SPTAN1: variants seen among roughly 807,000 people sequenced by gnomAD.
The protein encoded by SPTAN1 is spectrin alpha, non-erythrocytic 1, also known as spectrin alpha chain, non-erythrocytic 1.
In SPTAN1, 61 loss-of-function variants were observed where a neutral mutation model predicts 331.3. The ratio of observed to expected loss-of-function variants is 0.18; its 90% CI spans 0.15 to 0.23. The LOEUF is 0.23. Ranked by LOEUF, SPTAN1 falls within the 10% of genes least tolerant of loss-of-function variation. The pLI is 1.00. For missense variants in SPTAN1, 2,043 were observed against 3,147.9 expected (o/e 0.65, Z 8.40); for synonymous variants, 1,153 against 1,173.9 (o/e 0.98, Z 0.36).
intron 31 of SPTAN1, among the ~76,000 whole-genome samples, chr9:128,605,746 C>G (rs1368289728): frequency 6.6e-6 from 1 of 152,204 alleles, no homozygotes; most frequent in African/African-American, 2.4e-5. Context: ...AACCCCAGCA[C>G]TTTGGTAGGC....
chr9:128,559,328 C>T (rs1299249544), intron 1 of SPTAN1, among the ~76,000 whole-genome samples: 1 of 152,058 alleles, frequency 6.6e-6, no homozygotes, highest in Non-Finnish European at 1.5e-5. Context: ...GCAAGCTGGG[C>T]CCAAGCAGGG....
chr9:128,553,932 C>T (rs1848390661), intron 1 of SPTAN1, among the ~76,000 whole-genome samples: 1 of 152,072 alleles, frequency 6.6e-6, no homozygotes, highest in Non-Finnish European at 1.5e-5. Flanking sequence ...GTCTTGGAGC[C>T]AGGAAACAGA....
intron 40 of SPTAN1, 61 bp downstream of exon 40, chr9:128,613,546 A>G: frequency 7.4e-7 from 1 of 1,356,430 alleles, no homozygotes; most frequent in Non-Finnish European, 1.1e-6. Context: ...CTGACTCCTA[A>G]GGAAAACAAG....
chr9:128,627,229 A>C lies in SPTAN1; in HGVS notation c.6577-157A>C. The stretch of plus-strand genomic sequence containing the variant: ...GGTGGGAACAGAGAAAGAACTACCA[A>C]GTGCTCTGAGCCGGCCTCATGTCTC... On this transcript the variant is annotated intron_variant, in intron 49 of 56. Transcript: ENST00000372739. The surrounding 1 kb of genome is among the most constrained non-coding windows in gnomAD (Gnocchi z 4.9). 3 of 687,450 alleles carry C rather than the reference A, an allele frequency of 4.4e-6. No individual in the cohort carries two copies. The highest frequency in any genetic ancestry group is 2.2e-5 in the Admixed American group (1 of 45,044). 42.6% of individuals were successfully genotyped at this position (687,450 alleles called of 1,614,324 possible). A position where few individuals can be genotyped will look rare whatever the true frequency, so the allele number is the denominator to read the frequency against.
chr9:128,625,941 A>C lies in SPTAN1; in HGVS notation c.6242A>C (p.Lys2081Thr). The C allele has an allele frequency of 1.2e-6, 2 of 1,614,156 alleles. No homozygotes were observed. The highest frequency in any genetic ancestry group is 1.1e-5 in the South Asian group (1 of 91,080). The change falls in exon 48 of 57, where the codon AAG becomes ACG. Residue 2081 changes from lysine (K) to threonine (T), a missense_variant. Physicochemically the swap from Lys to Thr is moderately conservative, Grantham distance 78. Coordinates refer to ENST00000372739, the MANE Select transcript of SPTAN1 (RefSeq NM_001130438.3). This position sits in a 1 kb window ranked among gnomAD's most constrained non-coding sequence, Gnocchi z 4.1. ...SQLLANSAAR[K>T]KKLLEAQSHF... is the part of the protein sequence containing the mutation. ...CTTCTGGCCAACTCAGCCGCCCGCA[A>C]GAAGAAGCTTCTGGAGGCTCAGAGT...
In SPTAN1 at chr9:128,605,446, C is replaced by T. The variant is rs1855703727; in HGVS notation, c.4015C>T (p.His1339Tyr). The stretch of plus-strand genomic sequence containing the variant: ...GCGCAAGGCAAAGTTGGGTGACTCC[C>T]ACGACCTGCAGCGCTTCCTTAGCGA... ...DQRKAKLGDS[H>Y]DLQRFLSDFR... The change falls in exon 31 of 57, where the codon CAC (histidine) becomes TAC (tyrosine). Residue 1339 changes from histidine to tyrosine, a missense_variant. Physicochemically the swap from His to Tyr is moderately conservative, Grantham distance 83. This residue lies in a region of SPTAN1 where 179 missense variants were observed against 215.7 expected (regional missense o/e 0.83). Coordinates refer to ENST00000372739, the MANE Select transcript of SPTAN1 (RefSeq NM_001130438.3). 3.1e-6 allele frequency: 5 copies of T among 1,614,184 alleles called. No individual in the cohort carries two copies. The highest frequency in any genetic ancestry group is 3.4e-6 in the Non-Finnish European group (4 of 1,180,038).
At chr9:128,563,517 G>A (rs1425299745) in intron 1 of SPTAN1, among the ~76,000 whole-genome samples, 1 of 152,208 alleles carries the variant, frequency 6.6e-6, no homozygotes, top group Non-Finnish European at 1.5e-5. Flanking sequence ...ACCTAGTTGT[G>A]TAGCTTTAGT....
At chr9:128,599,754 A>T in intron 26 of SPTAN1, 1 of 245,930 alleles carries the variant, frequency 4.1e-6, no homozygotes, top group Non-Finnish European at 7.8e-6. Context: ...AGCTATCTTT[A>T]GGTTCATTTA....
At chr9:128,580,824 T>C (rs780119206) in intron 10 of SPTAN1, 98 bp from the exon 11 acceptor site, 1 of 1,565,180 alleles carries the variant, frequency 6.4e-7, no homozygotes, top group Non-Finnish European at 8.7e-7. Context: ...GCCTGAAGAT[T>C]AGCACTAGGA....
chr9:128,625,271 T>G lies in SPTAN1; in HGVS notation c.6069+92T>G, dbSNP rs1858557950. 1 of 1,300,518 alleles carries G rather than the reference T, an allele frequency of 7.7e-7. No homozygotes were observed. The highest frequency in any genetic ancestry group is 2.0e-4 in the Middle Eastern group (1 of 4,924). 80.6% of individuals were successfully genotyped at this position (1,300,518 alleles called of 1,614,324 possible). A position where few individuals can be genotyped will look rare whatever the true frequency, so the allele number is the denominator to read the frequency against. On this transcript the variant is annotated intron_variant, in intron 47 of 56. Transcript: ENST00000372739. This position sits in a 1 kb window ranked among gnomAD's most constrained non-coding sequence, Gnocchi z 4.1. ...CTTTCACTGAGGCATTTATCTTCTGTTAGCCCCTGGGGATCAGCAGGAAAA... is the reference window on the plus strand; with the variant it reads ...CTTTCACTGAGGCATTTATCTTCTGGTAGCCCCTGGGGATCAGCAGGAAAA...
At chr9:128,583,743 G>A in intron 15 of SPTAN1, 45 bp from the exon 16 acceptor site, 2 of 1,596,586 alleles carry the variant, frequency 1.3e-6, no homozygotes, top group East Asian at 2.2e-5. Flanking sequence ...GTTGGCAGAA[G>A]GGTAATGCTA....
At chr9:128,581,097 G>C (rs746307611) in intron 11 of SPTAN1, 38 bp downstream of exon 11, 1 of 1,612,918 alleles carries the variant, frequency 6.2e-7, no homozygotes, top group Admixed American at 1.7e-5. Flanking sequence ...GGTGGGAGAA[G>C]AAGGGCCTGT....
chr9:128,591,802 A>G (rs1306160891), intron 22 of SPTAN1, among the ~76,000 whole-genome samples, 177 bp downstream of exon 22: 3 of 152,064 alleles, frequency 2.0e-5, no homozygotes, highest in African/African-American at 7.2e-5. Context: ...CCCCTGACTG[A>G]TGACTTATAT....
At chr9:128,584,960 A>T in intron 18 of SPTAN1, 117 bp downstream of exon 18, 5 of 1,223,030 alleles carry the variant, frequency 4.1e-6, no homozygotes, top group Non-Finnish European at 6.0e-6. Flanking sequence ...TACCATCCCC[A>T]TTCTTTCCTA....
chr9:128,625,306 C>A lies in SPTAN1; in HGVS notation c.6069+127C>A. ...GGGATCAGCAGGAAAAAGATCCTGT[C>A]CTGGTCCTCAGGGAGCTTCCAGACT... On this transcript the variant is annotated intron_variant, in intron 47 of 56. Coordinates refer to ENST00000372739, the MANE Select transcript of SPTAN1 (RefSeq NM_001130438.3). The surrounding 1 kb of genome is among the most constrained non-coding windows in gnomAD (Gnocchi z 4.1). 1 of 980,738 alleles carries A rather than the reference C, an allele frequency of 1.0e-6. No homozygotes were observed. The highest frequency in any genetic ancestry group is 1.6e-6 in the Non-Finnish European group (1 of 631,608). 60.8% of individuals were successfully genotyped at this position (980,738 alleles called of 1,614,324 possible).
chr9:128,595,444 C>G (rs1854144584), intron 24 of SPTAN1, among the ~76,000 whole-genome samples: 1 of 152,100 alleles, frequency 6.6e-6, no homozygotes, highest in Non-Finnish European at 1.5e-5. Flanking sequence ...TAATTGAAAC[C>G]TTTTTGGACA....
intron 44 of SPTAN1, among the ~76,000 whole-genome samples, chr9:128,619,984 A>G (rs549100883): frequency 1.6e-4 from 25 of 152,278 alleles, no homozygotes; most frequent in African/African-American, 5.8e-4. Context: ...TCCAGCCTGG[A>G]CATCTCTGTT....
intron 27 of SPTAN1, among the ~76,000 whole-genome samples, chr9:128,600,972 G>GTTTTTTTTTTTT (rs1474161366): frequency 1.2e-3 from 27 of 22,216 alleles, no homozygotes; most frequent in South Asian, 2.8e-3. Flanking sequence ...CAGGGAGAAA[G>GTTTTTTTTTTTT]TCTTTTTTTT....
At chr9:128,586,335 G>A (rs143116668) in intron 19 of SPTAN1, among the ~76,000 whole-genome samples, 31 of 151,978 alleles carry the variant, frequency 2.0e-4, no homozygotes, top group African/African-American at 7.0e-4. Context: ...GTCTCGCTAT[G>A]TTGTCCCATC....
Sources: allele counts gnomAD v4.1 joint callset (sites outside exome capture counted in the v4.1 genomes callset), GRCh38; gene constraint gnomAD v4.1.1; regional missense constraint gnomAD v4.1.1; non-coding constraint Gnocchi (gnomAD v3.1); transcripts MANE v1.5; gene names NCBI Gene and HGNC (gene_info 2026-07-23, HGNC 2026-07-21).